The following CLDN14 variants were observed in gnomAD, a reference collection of about 807,000 sequenced individuals.
CLDN14 encodes the protein claudin 14, also known as claudin-14.
A neutral mutation model predicts 2.1 loss-of-function variants in CLDN14; 2 were observed. The ratio of observed to expected loss-of-function variants is 0.96; its 90% confidence interval spans 0.39 to 3.01. CLDN14 has a LOEUF of 3.01. CLDN14 is among the 30% of genes most tolerant of loss of function. The probability of loss-of-function intolerance (pLI) is 0.09; values close to 1 mark genes in which losing one functional copy is unlikely to be tolerated. For missense variants in CLDN14, 298 were observed against 328.0 expected, an observed-to-expected ratio of 0.91 and a Z score of 0.71; for synonymous variants, 136 against 154.4, an observed-to-expected ratio of 0.88 and a Z score of 0.88.
chr21:36,570,519 T>C (rs1447274595), intron 1 of CLDN14, among the ~76,000 whole-genome samples: 1 of 152,162 alleles, frequency 6.6e-6, no homozygotes, highest in African/African-American at 2.4e-5. Flanking sequence ...TACAAGTCAA[T>C]CTTAAGATCT....
At chr21:36,476,152 C>A (rs1284893480) in intron 1 of CLDN14, among the ~76,000 whole-genome samples, 1 of 152,146 alleles carries the variant, frequency 6.6e-6, no homozygotes, top group Non-Finnish European at 1.5e-5. Context: ...GTCTCACCTA[C>A]CCATAAGGCT....
At chr21:36,506,521 G>T (rs1388807301) in intron 2 of CLDN14, among the ~76,000 whole-genome samples, 1 of 151,474 alleles carries the variant, frequency 6.6e-6, no homozygotes, top group Non-Finnish European at 1.5e-5. Context: ...CGTTTGAACC[G>T]GGGGGGCGGA....
rs548981290 is a variant in CLDN14, at chr21:36,461,035, G to A, written c.661C>T (p.Arg221Trp). 9.5e-5 allele frequency: 154 copies of A among 1,613,680 alleles called. No homozygotes were observed. Among genetic ancestry groups the A allele is most frequent in the Non-Finnish European group, 1.1e-4 (128 of 1,179,990 alleles). Residue 221 changes from arginine to tryptophan, a missense_variant, in exon 2 of 2, where the codon CGG becomes TGG. Coordinates refer to ENST00000399135, the MANE Select transcript of CLDN14 (RefSeq NM_001146079.2). ...YQPPAAYKDN[R>W]APSVTSATHS... ...GTGGCCGAGGTCACTGAGGGGGCCC[G>A]ATTGTCTTTGTAGGCAGCTGGTGGC...
chr21:36,489,131 A>AAAAAAAAATATATATATATAT, intron 2 of CLDN14, among the ~76,000 whole-genome samples: 1 of 62,748 alleles, frequency 1.6e-5, no homozygotes, highest in East Asian at 4.1e-4. Flanking sequence ...AAAAAAAAAA[A>AAAAAAAAATATATATATATAT]ATATATATAT....
intron 1 of CLDN14, among the ~76,000 whole-genome samples, chr21:36,474,139 C>A (rs1231456215): frequency 6.6e-6 from 1 of 152,130 alleles, no homozygotes; most frequent in Admixed American, 6.5e-5. Flanking sequence ...AGGATGGGTT[C>A]CAGGGCCCAT....
At chr21:36,486,955 T>C in intron 2 of CLDN14, 1 of 508,882 alleles carries the variant, frequency 2.0e-6, no homozygotes, top group South Asian at 1.9e-5. Flanking sequence ...GAGGGCCATG[T>C]TGTTCTCAGG....
At chr21:36,538,591 T>G (rs1362797311) in intron 1 of CLDN14, among the ~76,000 whole-genome samples, 4 of 151,308 alleles carry the variant, frequency 2.6e-5, no homozygotes, top group South Asian at 2.1e-4. Context: ...TCCAGCTAGG[T>G]GACAGAGCGA....
At chr21:36,540,665 G>A (rs1372731688) in intron 1 of CLDN14, among the ~76,000 whole-genome samples, 1 of 152,128 alleles carries the variant, frequency 6.6e-6, no homozygotes, top group Non-Finnish European at 1.5e-5. Context: ...GGAGGGACTG[G>A]GGGGCAGGGC....
chr21:36,537,651 C>T (rs868109904), intron 1 of CLDN14, among the ~76,000 whole-genome samples: 6 of 143,646 alleles, frequency 4.2e-5, no homozygotes, highest in South Asian at 4.4e-4. Context: ...TTTTTCTTTT[C>T]TTTTCTTTTT....
intron 2 of CLDN14, chr21:36,485,954 GC>G (rs1293762267): frequency 6.0e-6 from 8 of 1,331,370 alleles, no homozygotes; most frequent in Non-Finnish European, 8.5e-6. Flanking sequence ...AGTCCCCTGA[GC>G]AGGCTCAGCT....
intron 2 of CLDN14, among the ~76,000 whole-genome samples, chr21:36,505,627 A>G (rs1202752731): frequency 6.6e-6 from 1 of 152,122 alleles, no homozygotes; most frequent in East Asian, 1.9e-4. Context: ...CACCATTGCC[A>G]CTCCCAGCAG....
chr21:36,478,215 T>C (rs2146444995), intron 1 of CLDN14, among the ~76,000 whole-genome samples: 1 of 152,364 alleles, frequency 6.6e-6, no homozygotes, highest in South Asian at 2.1e-4. Flanking sequence ...TTATAGATTT[T>C]TCTGTAGATG....
chr21:36,484,695 G>A (rs1340068253), upstream of CLDN14, among the ~76,000 whole-genome samples: 1 of 152,006 alleles, frequency 6.6e-6, no homozygotes, highest in Non-Finnish European at 1.5e-5. Context: ...GATTAGATGA[G>A]GGCCAATTCT....
chr21:36,521,626 C>T (rs2087271582), intron 1 of CLDN14, among the ~76,000 whole-genome samples: 1 of 152,180 alleles, frequency 6.6e-6, no homozygotes, highest in Non-Finnish European at 1.5e-5. Context: ...CATTGGAGGT[C>T]CATCTGTGTG....
intron 1 of CLDN14, among the ~76,000 whole-genome samples, chr21:36,475,169 C>A (rs2086761281): frequency 1.3e-5 from 2 of 152,122 alleles, no homozygotes; most frequent in African/African-American, 4.8e-5. Context: ...AACTGCACTG[C>A]GAGGGTCCCA....
intron 1 of CLDN14, chr21:36,477,508 T>C (rs893113096): frequency 3.9e-5 from 6 of 152,136 alleles, no homozygotes; most frequent in African/African-American, 1.4e-4. Flanking sequence ...TAAATCTCAG[T>C]TTTTGTTTCT....
intron 1 of CLDN14, among the ~76,000 whole-genome samples, chr21:36,549,204 T>G (rs1410428992): frequency 2.0e-5 from 3 of 150,990 alleles, no homozygotes; most frequent in South Asian, 2.1e-4. Context: ...TGAGCAGAAA[T>G]GGAGATTGAA....
chr21:36,560,832 A>T (rs1476140804), intron 1 of CLDN14, among the ~76,000 whole-genome samples: 2 of 150,866 alleles, frequency 1.3e-5, no homozygotes, highest in Non-Finnish European at 3.0e-5. Context: ...AGAAGAGAAA[A>T]AAGTGTATTA....
At position 36,568,372 on chromosome 21, in the gene CLDN14, C is replaced by G. The variant is rs73377094; in HGVS notation, c.-220+8039G>C. ...ATGCTGATTTCAGCATTGCCCCAGC[C>G]AACCCCTGAGCAATAAGGAGGCACG... On this transcript the variant is annotated intron_variant, in intron 1 of 2. Transcript: ENST00000342108. Among the ~76,000 whole-genome samples the G allele has an allele frequency of 1.7e-3, 260 of 152,302 alleles. 1 individual carries two copies. Among genetic ancestry groups the G allele is most frequent in the African/African-American group, 6.1e-3 (253 of 41,562 alleles).
Sources: allele counts gnomAD v4.1 joint callset (sites outside exome capture counted in the v4.1 genomes callset), GRCh38; gene constraint gnomAD v4.1.1; transcripts MANE v1.5; gene names NCBI Gene and HGNC (gene_info 2026-07-23, HGNC 2026-07-21).